Variants in DCC observed in about 807,000 individuals in gnomAD.
DCC encodes the protein DCC netrin 1 receptor.
DCC carries 58 observed loss-of-function variants against 172.5 expected under a neutral mutation model. The observed-to-expected ratio is 0.34, with a 90% confidence interval of 0.27 to 0.42. DCC has a LOEUF of 0.42. Among genes scored for constraint, DCC ranks in the 10% least tolerant of loss-of-function variants. The probability of loss-of-function intolerance (pLI) is 1.00; values close to 1 mark genes in which losing one functional copy is unlikely to be tolerated. For missense variants in DCC, 1,740 were observed against 1,791.0 expected, an observed-to-expected ratio of 0.97 and a Z score of 0.51; for synonymous variants, 709 against 644.5, an observed-to-expected ratio of 1.10 and a Z score of -1.52.
At chr18:53,212,688 T>C (rs925945390) in intron 11 of DCC, among the ~76,000 whole-genome samples, 7 of 150,308 alleles carry the variant, frequency 4.7e-5, no homozygotes, top group Admixed American at 4.6e-4. Flanking sequence ...TCTTTTTTTT[T>C]GAGACAGAGT....
intron 2 of DCC, among the ~76,000 whole-genome samples, chr18:52,847,936 A>G (rs1220158340): frequency 6.6e-6 from 1 of 152,168 alleles, no homozygotes; most frequent in Non-Finnish European, 1.5e-5. Context: ...GGTATTTTGA[A>G]TCTAGTTGTA....
chr18:53,013,120 G>T (rs1349167326), intron 5 of DCC, among the ~76,000 whole-genome samples: 1 of 152,134 alleles, frequency 6.6e-6, no homozygotes, highest in Non-Finnish European at 1.5e-5. Context: ...TACAGTGTTG[G>T]TGGGAGTATA....
intron 1 of DCC, among the ~76,000 whole-genome samples, chr18:52,559,327 G>A (rs1598912903): frequency 6.6e-6 from 1 of 152,180 alleles, no homozygotes; most frequent in Non-Finnish European, 1.5e-5. Context: ...TAGCCAGGAT[G>A]GTCTCGATCT....
chr18:53,420,583 G>A lies in DCC; in HGVS notation c.3163+4427G>A, dbSNP rs555991016. ...GTTTCTGGTGAGGGTCCTCTTCCTG[G>A]CTTGCAGGTGGCCTTCTCGCTGTGT... is the stretch of plus-strand genomic sequence containing the variant. On this transcript the variant is annotated intron_variant, in intron 21 of 28. Transcript: ENST00000442544. 1.2e-4 allele frequency among the ~76,000 whole-genome samples: 18 copies of A among 152,228 alleles called. No homozygotes were observed. In the East Asian group the frequency reaches 3.5e-3, roughly 29 times the overall value.
chr18:52,486,869 G>C (rs1261243396), intron 1 of DCC, among the ~76,000 whole-genome samples: 1 of 152,096 alleles, frequency 6.6e-6, no homozygotes, highest in African/African-American at 2.4e-5. Flanking sequence ...GTCTTTTACA[G>C]AACGTTCTGA....
At chr18:53,255,575 T>C (rs1177908285) in intron 12 of DCC, among the ~76,000 whole-genome samples, 2 of 152,032 alleles carry the variant, frequency 1.3e-5, no homozygotes, top group East Asian at 3.9e-4. Context: ...TAGTATTCCA[T>C]GGTGTATATG....
Position 52,628,478 on chromosome 18 carries a change from C to G in DCC, c.92-123576C>G, listed in dbSNP as rs559947887. 2.9e-4 allele frequency among the ~76,000 whole-genome samples: 44 copies of G among 152,326 alleles called. No individual in the cohort carries two copies. In the South Asian group the frequency reaches 8.5e-3, roughly 29 times the overall value. Reference sequence around the variant, plus strand: ...TTGGCAGCTGGCTGCAAATATGTGCCTGTTACAAACTTGCCTTCATCTGTG... The same window carrying G: ...TTGGCAGCTGGCTGCAAATATGTGCGTGTTACAAACTTGCCTTCATCTGTG... On this transcript the variant is annotated intron_variant, in intron 1 of 28. Coordinates refer to ENST00000442544, the MANE Select transcript of DCC (RefSeq NM_005215.4).
At chr18:53,028,378 T>C (rs2041985377) in intron 5 of DCC, among the ~76,000 whole-genome samples, 1 of 152,040 alleles carries the variant, frequency 6.6e-6, no homozygotes, top group South Asian at 2.1e-4. Flanking sequence ...GAAGCCCCTG[T>C]CCCCCCAGCT....
intron 14 of DCC, among the ~76,000 whole-genome samples, chr18:53,328,239 A>G (rs1051594327): frequency 1.3e-5 from 2 of 152,122 alleles, no homozygotes; most frequent in African/African-American, 4.8e-5. Flanking sequence ...TGATCCTTCT[A>G]TGAGTTGCTT....
intron 12 of DCC, among the ~76,000 whole-genome samples, chr18:53,221,704 C>G (rs575736735): frequency 6.6e-6 from 1 of 152,168 alleles, no homozygotes; most frequent in African/African-American, 2.4e-5. Flanking sequence ...AATTAATTTC[C>G]CTTTTGCTTC....
chr18:52,375,036 G>A (rs755592666), intron 1 of DCC, among the ~76,000 whole-genome samples: 2 of 152,226 alleles, frequency 1.3e-5, no homozygotes, highest in Non-Finnish European at 2.9e-5. Flanking sequence ...ATACATGGCT[G>A]AAAGGCTGAA....
At chr18:53,444,597 C>T (rs1279795459) in intron 22 of DCC, among the ~76,000 whole-genome samples, 1 of 152,184 alleles carries the variant, frequency 6.6e-6, no homozygotes, top group African/African-American at 2.4e-5. Context: ...AGGCAAAAGC[C>T]TCCATCAGCA....
At chr18:52,841,809 C>T (rs1000768861) in intron 2 of DCC, among the ~76,000 whole-genome samples, 2 of 152,136 alleles carry the variant, frequency 1.3e-5, no homozygotes, top group African/African-American at 4.8e-5. Context: ...TTCCCCCCTC[C>T]TCCCATCCAT....
At chr18:52,581,961 A>G (rs78122367) in intron 1 of DCC, among the ~76,000 whole-genome samples, 2,199 of 152,244 alleles carry the variant, frequency 0.014, 69 homozygotes, top group African/African-American at 0.05. Flanking sequence ...AAACAATAAC[A>G]TGCACTAGAA....
chr18:53,351,383 A>AT (rs1375836693), intron 15 of DCC, among the ~76,000 whole-genome samples: 1 of 35,092 alleles, frequency 2.8e-5, no homozygotes, highest in East Asian at 6.6e-4. Flanking sequence ...ATATATATAC[A>AT]GTATATATAT....
At chr18:52,505,490 G>T (rs1231456394) in intron 1 of DCC, among the ~76,000 whole-genome samples, 1 of 152,044 alleles carries the variant, frequency 6.6e-6, no homozygotes, top group Non-Finnish European at 1.5e-5. Context: ...TGTATTTAAA[G>T]AAAATATTGA....
chr18:52,724,756 A>T (rs7229030), intron 1 of DCC, among the ~76,000 whole-genome samples: 73,941 of 151,884 alleles, frequency 0.49, 18,507 homozygotes, highest in South Asian at 0.58. Flanking sequence ...ATGTCACTCA[A>T]ACACCCTATA....
intron 12 of DCC, among the ~76,000 whole-genome samples, chr18:53,239,327 C>A (rs994060927): frequency 8.6e-5 from 13 of 151,408 alleles, no homozygotes; most frequent in African/African-American, 3.2e-4. Context: ...GATGAAATAA[C>A]CCTTTATGGT....
intron 1 of DCC, among the ~76,000 whole-genome samples, chr18:52,747,345 T>C (rs542751855): frequency 6.6e-6 from 1 of 152,336 alleles, no homozygotes; most frequent in Non-Finnish European, 1.5e-5. Context: ...TTCAAGGGGA[T>C]GGCCATTGGA....
Sources: allele counts gnomAD v4.1 joint callset (sites outside exome capture counted in the v4.1 genomes callset), GRCh38; gene constraint gnomAD v4.1.1; transcripts MANE v1.5; gene names NCBI Gene and HGNC (gene_info 2026-07-23, HGNC 2026-07-21).